SORCS1: variants seen among roughly 807,000 people sequenced by gnomAD.
SORCS1 encodes the protein sortilin related VPS10 domain containing receptor 1.
SORCS1 carries 60 observed loss-of-function variants against 146.1 expected under a neutral mutation model. The observed-to-expected ratio is 0.41, with a 90% CI of 0.33 to 0.51. The LOEUF is 0.51. SORCS1 is among the 20% of genes least tolerant of loss of function. SORCS1 has a pLI of 0.21. For synonymous variants in SORCS1, 637 were observed against 584.0 expected, an observed-to-expected ratio of 1.09 and a Z score of -1.31; for missense variants, 1,352 against 1,487.6, an observed-to-expected ratio of 0.91 and a Z score of 1.50.
chr10:106,578,943 A>T, intron 25 of SORCS1: 1 of 1,431,624 alleles, frequency 7.0e-7, no homozygotes, highest in Non-Finnish European at 9.1e-7. Context: ...TCCCAATCAG[A>T]GGAAGCAGGG....
chr10:106,820,024 G>A (rs560882956), intron 3 of SORCS1, among the ~76,000 whole-genome samples: 1 of 152,202 alleles, frequency 6.6e-6, no homozygotes, highest in Non-Finnish European at 1.5e-5. Flanking sequence ...CTTTACCTCT[G>A]TATCCTTCCT....
intron 2 of SORCS1, among the ~76,000 whole-genome samples, chr10:106,919,312 A>G (rs1225961023): frequency 1.3e-5 from 2 of 152,192 alleles, no homozygotes; most frequent in African/African-American, 4.8e-5. Context: ...TTTAAACCAT[A>G]TGGGGTTTTT....
intron 2 of SORCS1, among the ~76,000 whole-genome samples, chr10:106,950,550 C>A (rs1243214550): frequency 2.6e-5 from 4 of 152,068 alleles, no homozygotes; most frequent in African/African-American, 7.2e-5. Flanking sequence ...AATGTTACAG[C>A]ACGTAGAAAA....
intron 2 of SORCS1, among the ~76,000 whole-genome samples, chr10:106,876,212 G>T (rs774893997): frequency 3.3e-5 from 5 of 152,094 alleles, no homozygotes; most frequent in Non-Finnish European, 7.4e-5. Flanking sequence ...CTGACATTGA[G>T]GGCGCGGTTT....
chr10:106,577,732 CA>C, intron 25 of SORCS1, 177 bp from the exon 26 acceptor site: 5 of 1,274,052 alleles, frequency 3.9e-6, no homozygotes, highest in Non-Finnish European at 5.2e-6. Context: ...AAACGATCCC[CA>C]AAAATGCACT....
At chr10:107,078,208 T>C (rs1489138365) in intron 1 of SORCS1, among the ~76,000 whole-genome samples, 1 of 152,198 alleles carries the variant, frequency 6.6e-6, no homozygotes, top group South Asian at 2.1e-4. Flanking sequence ...TTTACTATAG[T>C]AATTTTAAAT....
chr10:106,911,762 C>T (rs2138244690), intron 2 of SORCS1, among the ~76,000 whole-genome samples: 1 of 152,142 alleles, frequency 6.6e-6, no homozygotes, highest in African/African-American at 2.4e-5. Flanking sequence ...CATCCCAAAC[C>T]AATTTAATTA....
chr10:106,937,972 G>GAA (rs76116094), intron 2 of SORCS1, among the ~76,000 whole-genome samples: 3 of 129,172 alleles, frequency 2.3e-5, no homozygotes, highest in Non-Finnish European at 3.2e-5. Flanking sequence ...TCAAAAAGAA[G>GAA]AAAAAAAAAA....
At chr10:106,669,776 C>A (rs1047603670) in intron 16 of SORCS1, among the ~76,000 whole-genome samples, 1 of 152,202 alleles carries the variant, frequency 6.6e-6, no homozygotes, top group Non-Finnish European at 1.5e-5. Flanking sequence ...ATACTTCATT[C>A]GCTCTTGGCT....
Position 106,884,699 on chromosome 10 carries a change from C to T in SORCS1, c.627-55026G>A, listed in dbSNP as rs574479729. On this transcript the variant is annotated intron_variant, in intron 2 of 25. Coordinates refer to ENST00000263054, the MANE Select transcript of SORCS1 (RefSeq NM_052918.5). ...CACTTTCAATGCTGAATATCACCAG[C>T]GGTTGTCAATTAGGAAAACTGCCAC... Among the ~76,000 whole-genome samples the T allele has an allele frequency of 4.5e-4, 68 of 152,194 alleles. 2 individuals are homozygous for T. In the South Asian group the frequency reaches 0.013, roughly 30 times the overall value.
At chr10:106,952,821 T>G (rs998127864) in intron 2 of SORCS1, among the ~76,000 whole-genome samples, 1 of 151,002 alleles carries the variant, frequency 6.6e-6, no homozygotes, top group Non-Finnish European at 1.5e-5. Flanking sequence ...ATCAAAATAA[T>G]AATAATAAAA....
intron 1 of SORCS1, among the ~76,000 whole-genome samples, chr10:107,037,956 A>G (rs1958975396): frequency 6.6e-6 from 1 of 152,092 alleles, no homozygotes. Context: ...CCTCCTGAGT[A>G]GCTGGGATTA....
chr10:106,627,426 A>C (rs187520643), intron 19 of SORCS1, among the ~76,000 whole-genome samples: 2 of 152,346 alleles, frequency 1.3e-5, no homozygotes, highest in African/African-American at 2.4e-5. Context: ...ATGAGATAAT[A>C]ATATGGTCTA....
chr10:106,957,157 T>G (rs1436187280), intron 1 of SORCS1, among the ~76,000 whole-genome samples: 10 of 65,732 alleles, frequency 1.5e-4, no homozygotes, highest in African/African-American at 7.5e-4. Flanking sequence ...AGCATGTGGT[T>G]TTTTTTTGTT....
intron 2 of SORCS1, among the ~76,000 whole-genome samples, chr10:106,868,126 G>A (rs1279964980): frequency 6.6e-6 from 1 of 152,112 alleles, no homozygotes; most frequent in African/African-American, 2.4e-5. Flanking sequence ...CATAGTAAAG[G>A]GTTCAATTCA....
chr10:107,177,125 C>T, the SORCS1 span, among the ~76,000 whole-genome samples: 11 of 152,134 alleles, frequency 7.2e-5, no homozygotes, highest in South Asian at 2.1e-4. Flanking sequence ...TGCCTAAAAT[C>T]GACTTTGTAT....
chr10:106,581,458 G>C (rs1458563632), intron 24 of SORCS1, among the ~76,000 whole-genome samples: 1 of 151,822 alleles, frequency 6.6e-6, no homozygotes, highest in Non-Finnish European at 1.5e-5. Context: ...AAATTAACAA[G>C]GAGCACAAGT....
chr10:106,601,453 C>T (rs947091252), intron 23 of SORCS1, among the ~76,000 whole-genome samples: 4 of 152,164 alleles, frequency 2.6e-5, no homozygotes, highest in African/African-American at 9.7e-5. Context: ...GTGCAACCTA[C>T]ATTTCATTTA....
At chr10:106,726,898 AACACGGTG>A (rs1164623040) in intron 6 of SORCS1, among the ~76,000 whole-genome samples, 9 of 152,064 alleles carry the variant, frequency 5.9e-5, no homozygotes, top group Non-Finnish European at 8.8e-5. Context: ...CATCCTGGCT[AACACGGTG>A]AAACCCCGTC....
Sources: allele counts gnomAD v4.1 joint callset (sites outside exome capture counted in the v4.1 genomes callset), GRCh38; gene constraint gnomAD v4.1.1; transcripts MANE v1.5; gene names NCBI Gene and HGNC (gene_info 2026-07-23, HGNC 2026-07-21).